The following HAAO variants were observed in gnomAD, a reference collection of about 807,000 sequenced individuals.
The protein encoded by HAAO is 3-hydroxyanthranilate oxygenase.
HAAO carries 49 observed loss-of-function variants against 46.2 expected under a neutral mutation model. The ratio of observed to expected loss-of-function variants is 1.06; its 90% CI spans 0.84 to 1.34. The LOEUF is 1.34. Ranked by LOEUF, HAAO falls within the 40% of genes most tolerant of loss-of-function variation. HAAO has a pLI of 0.00. For missense variants in HAAO, 408 were observed against 364.5 expected, an observed-to-expected ratio of 1.12 and a Z score of -0.97; for synonymous variants, 157 against 145.2, an observed-to-expected ratio of 1.08 and a Z score of -0.58.
Position 42,767,338 on chromosome 2 carries a change from T to A in HAAO, c.*99A>T. On this transcript the variant is annotated 3_prime_UTR_variant, in exon 10 of 10. Transcript: ENST00000294973. ...AGGTCTGTGGGGGACACAGCGGCAGTACACAGAGAGGTAGTGGGGGCTGGG... is the reference window on the plus strand; with the variant it reads ...AGGTCTGTGGGGGACACAGCGGCAGAACACAGAGAGGTAGTGGGGGCTGGG... 1 of 808,354 alleles carries A rather than the reference T, an allele frequency of 1.2e-6. No individual in the cohort carries two copies. 50.1% of individuals were successfully genotyped at this position (808,354 alleles called of 1,614,324 possible).
At chr2:42,783,679 A>G in intron 3 of HAAO, 105 bp downstream of exon 3, 1 of 972,768 alleles carries the variant, frequency 1.0e-6, no homozygotes, top group East Asian at 2.6e-5. Context: ...AGAGCAGGAA[A>G]AGGTAGGGAG....
At chr2:42,784,671 G>A (rs1327825085) in intron 2 of HAAO, among the ~76,000 whole-genome samples, 1 of 152,178 alleles carries the variant, frequency 6.6e-6, no homozygotes, top group East Asian at 1.9e-4. Flanking sequence ...TTGCCTGGGT[G>A]TTAAAAGCCC....
At position 42,767,643 on chromosome 2, in the gene HAAO, C is replaced by T. The variant is rs1045453685; in HGVS notation, c.734G>A (p.Arg245His). The change falls in exon 9 of 10, where the codon CGC becomes CAC. Residue 245 changes from arginine to histidine, a missense_variant. By Grantham distance (29) the Arg-to-His change is conservative (BLOSUM62 0). Transcript: ENST00000294973. ...GCTGTCATCAGGGGCCAGGCTCAGG[C>T]GCCGTCCCCCCATTGTCACCACCGA... Reference protein sequence around the residue: ...GSSVVTMGGRRLSLAPDDSLL... With the variant: ...GSSVVTMGGRHLSLAPDDSLL... The T allele has an allele frequency of 1.6e-5, 25 of 1,568,754 alleles. No individual in the cohort carries two copies. Among genetic ancestry groups the T allele is most frequent in the Non-Finnish European group, 1.8e-5 (21 of 1,156,220 alleles).
chr2:42,788,494 G>A (rs373628651), intron 2 of HAAO, 35 bp downstream of exon 2: 32 of 1,372,278 alleles, frequency 2.3e-5, no homozygotes, highest in South Asian at 4.7e-5. Context: ...CTCCTTGCCC[G>A]CAGGCCTAGA....
chr2:42,780,797 G>T (rs1191037362), intron 4 of HAAO, among the ~76,000 whole-genome samples: 2 of 151,398 alleles, frequency 1.3e-5, no homozygotes, highest in Non-Finnish European at 2.9e-5. Flanking sequence ...GCCGGGCGTG[G>T]TGGCTCATGC....
At chr2:42,788,885 T>C in intron 1 of HAAO, 1 of 420,410 alleles carries the variant, frequency 2.4e-6, no homozygotes. Flanking sequence ...TGGTGGTGAA[T>C]CTATGGCTTC....
At chr2:42,792,268 A>G (rs890691677) in intron 1 of HAAO, among the ~76,000 whole-genome samples, 189 bp downstream of exon 1, 10 of 152,170 alleles carry the variant, frequency 6.6e-5, no homozygotes, top group South Asian at 4.2e-4. Context: ...CACAGTCACA[A>G]GAAAGAGGAA....
chr2:42,771,730 C>T (rs1165150844), intron 4 of HAAO, among the ~76,000 whole-genome samples: 1 of 152,244 alleles, frequency 6.6e-6, no homozygotes, highest in Non-Finnish European at 1.5e-5. Flanking sequence ...GCCAGGAACG[C>T]CTGTTAACTG....
intron 4 of HAAO, chr2:42,783,051 A>G: frequency 1.8e-6 from 1 of 540,806 alleles, no homozygotes; most frequent in South Asian, 2.1e-5. Flanking sequence ...CGCAGAAAGC[A>G]CAGATTCTGA....
Position 42,788,617 on chromosome 2 carries a change from G to A in HAAO, c.81-10C>T, listed in dbSNP as rs3816184. On this transcript the variant is annotated splice_polypyrimidine_tract_variant and intron_variant, in intron 1 of 9. Transcript: ENST00000294973. ...GAGCTGCTCCTGGTGCCTGCAATGC[G>A]CAAAGTGGGGGAGACGTTCTAAACC... 1,096,823 of 1,446,694 alleles carry A rather than the reference G, an allele frequency of 0.76. 420,627 individuals are homozygous for A. Among genetic ancestry groups the A allele is most frequent in the Middle Eastern group, 0.93 (5,281 of 5,684 alleles). 89.6% of individuals were successfully genotyped at this position (1,446,694 alleles called of 1,614,324 possible).
intron 2 of HAAO, among the ~76,000 whole-genome samples, chr2:42,785,978 C>T (rs1205457466): frequency 1.3e-5 from 2 of 150,728 alleles, no homozygotes; most frequent in African/African-American, 4.9e-5. Context: ...GTATGCTCTC[C>T]TCCCCCACTC....
intron 4 of HAAO, among the ~76,000 whole-genome samples, chr2:42,775,718 G>C (rs1671515363): frequency 6.6e-6 from 1 of 151,936 alleles, no homozygotes; most frequent in Admixed American, 6.6e-5. Context: ...ATAGTTTATA[G>C]TAGCCTGGGG....
chr2:42,790,648 C>T (rs141175328), intron 1 of HAAO, among the ~76,000 whole-genome samples: 1,779 of 152,044 alleles, frequency 0.012, 38 homozygotes, highest in African/African-American at 0.041. Flanking sequence ...TCTCCTGCCT[C>T]GGCCTCCTGA....
At chr2:42,771,721 C>T (rs963352946) in intron 4 of HAAO, among the ~76,000 whole-genome samples, 14 of 152,246 alleles carry the variant, frequency 9.2e-5, no homozygotes, top group African/African-American at 2.9e-4. Context: ...ATGGTGGGTG[C>T]CAGGAACGCC....
chr2:42,777,858 T>C (rs370988928), intron 4 of HAAO, among the ~76,000 whole-genome samples: 96 of 152,226 alleles, frequency 6.3e-4, no homozygotes, highest in African/African-American at 2.3e-3. Context: ...TTTTATCTAA[T>C]TTAAGGCTTA....
chr2:42,779,053 C>T (rs546371752), intron 4 of HAAO, among the ~76,000 whole-genome samples: 2 of 152,090 alleles, frequency 1.3e-5, no homozygotes, highest in South Asian at 4.2e-4. Flanking sequence ...GTGGAGATTG[C>T]AGTGAGCTGA....
chr2:42,780,060 G>A (rs944674734), intron 4 of HAAO, among the ~76,000 whole-genome samples: 9 of 152,116 alleles, frequency 5.9e-5, no homozygotes, highest in African/African-American at 2.2e-4. Flanking sequence ...ATTATTGTGT[G>A]CCACAGAGGT....
At chr2:42,786,633 G>A (rs1224275712) in intron 2 of HAAO, among the ~76,000 whole-genome samples, 2 of 152,166 alleles carry the variant, frequency 1.3e-5, no homozygotes, top group African/African-American at 2.4e-5. Context: ...CCAAGATCCC[G>A]GGGTTAGTAA....
intron 1 of HAAO, among the ~76,000 whole-genome samples, chr2:42,790,021 C>T (rs562619140): frequency 6.6e-6 from 1 of 152,266 alleles, no homozygotes; most frequent in Non-Finnish European, 1.5e-5. Context: ...GGCACAGCAG[C>T]CTAGAGGCTG....
Sources: allele counts gnomAD v4.1 joint callset (sites outside exome capture counted in the v4.1 genomes callset), GRCh38; gene constraint gnomAD v4.1.1; transcripts MANE v1.5; gene names NCBI Gene and HGNC (gene_info 2026-07-23, HGNC 2026-07-21).